PLPPR1: variants seen among roughly 807,000 people sequenced by gnomAD.
PLPPR1 encodes the protein phospholipid phosphatase related 1.
PLPPR1 carries 10 observed loss-of-function variants against 33.1 expected under a neutral mutation model. The observed-to-expected ratio is 0.30, with a 90% CI of 0.19 to 0.51. The LOEUF (loss-of-function observed/expected upper bound fraction) is 0.51, where lower values mean the gene tolerates loss of function less well. Ranked by LOEUF, PLPPR1 falls within the 20% of genes least tolerant of loss-of-function variation. The pLI, the probability that PLPPR1 is intolerant of heterozygous loss-of-function variation, is 0.97. For synonymous variants in PLPPR1, 151 were observed against 151.0 expected (o/e 1.00, Z 0.00); for missense variants, 304 against 408.1 (o/e 0.74, Z 2.20).
Position 101,132,810 on chromosome 9 carries a change from C to A in PLPPR1, c.-45-52640C>A, listed in dbSNP as rs541492121. The stretch of plus-strand genomic sequence containing the variant: ...CCTTCCTCCCAATTTTGCTGTAAAC[C>A]TAAATCTGCTTTATTATTAAGTCTT... On this transcript the variant is annotated intron_variant, in intron 1 of 7. Coordinates refer to ENST00000374874, the MANE Select transcript of PLPPR1 (RefSeq NM_207299.2). Among the ~76,000 whole-genome samples the A allele has an allele frequency of 3.9e-5, 6 of 152,186 alleles. No individual in the cohort carries two copies. In the South Asian group the frequency reaches 1.2e-3, roughly 32 times the overall value.
intron 1 of PLPPR1, among the ~76,000 whole-genome samples, chr9:101,054,401 T>G (rs1830259032): frequency 6.6e-6 from 1 of 151,444 alleles, no homozygotes. Context: ...ATTCATTTAT[T>G]TGGACACGAC....
chr9:101,235,566 T>C (rs1369006256), intron 2 of PLPPR1, among the ~76,000 whole-genome samples: 1 of 151,868 alleles, frequency 6.6e-6, no homozygotes, highest in East Asian at 1.9e-4. Context: ...TTAGAACAGA[T>C]GACATGTGAA....
intron 4 of PLPPR1, among the ~76,000 whole-genome samples, chr9:101,293,299 A>G (rs959839659): frequency 1.3e-5 from 2 of 151,874 alleles, no homozygotes; most frequent in African/African-American, 2.4e-5. Context: ...CCAGATTCAT[A>G]AAGCAAGTCC....
chr9:101,314,728 G>T (rs12346856), intron 6 of PLPPR1, among the ~76,000 whole-genome samples: 194 of 149,102 alleles, frequency 1.3e-3, no homozygotes, highest in African/African-American at 4.9e-3. Context: ...TTGCTGGACA[G>T]TGTTGTCAAA....
intron 2 of PLPPR1, among the ~76,000 whole-genome samples, chr9:101,205,556 C>T (rs1451576741): frequency 6.6e-6 from 1 of 152,092 alleles, no homozygotes; most frequent in Non-Finnish European, 1.5e-5. Flanking sequence ...TGTATTTAAA[C>T]ATTTTGTTTT....
At chr9:101,039,228 T>A (rs7864643) in intron 1 of PLPPR1, among the ~76,000 whole-genome samples, 2,475 of 152,234 alleles carry the variant, frequency 0.016, 35 homozygotes, top group African/African-American at 0.04. Flanking sequence ...TGGAGCTAGG[T>A]TCTAGGCTGA....
chr9:101,287,802 C>T (rs1828421451), intron 4 of PLPPR1, among the ~76,000 whole-genome samples: 1 of 152,082 alleles, frequency 6.6e-6, no homozygotes, highest in South Asian at 2.1e-4. Flanking sequence ...TGCCCGGCCC[C>T]TGTAACGTAT....
At chr9:101,095,696 G>C (rs1288876026) in intron 1 of PLPPR1, among the ~76,000 whole-genome samples, 1 of 152,136 alleles carries the variant, frequency 6.6e-6, no homozygotes, top group Non-Finnish European at 1.5e-5. Flanking sequence ...CACAGAGTAA[G>C]TGGTGGAACC....
intron 1 of PLPPR1, chr9:101,125,525 A>T: frequency 2.5e-6 from 1 of 402,204 alleles, no homozygotes; most frequent in South Asian, 2.6e-5. Context: ...CCCTGGACCC[A>T]GCACCAGATT....
chr9:101,244,214 T>A (rs1827537591), intron 2 of PLPPR1, among the ~76,000 whole-genome samples: 1 of 151,882 alleles, frequency 6.6e-6, no homozygotes, highest in African/African-American at 2.4e-5. Context: ...TCAATGAAGT[T>A]AACCCCCATG....
At chr9:101,165,434 G>A (rs1825840699) in intron 1 of PLPPR1, among the ~76,000 whole-genome samples, 2 of 152,186 alleles carry the variant, frequency 1.3e-5, no homozygotes, top group Non-Finnish European at 2.9e-5. Flanking sequence ...ATGCCTTGAA[G>A]GATATGTAGG....
intron 2 of PLPPR1, among the ~76,000 whole-genome samples, chr9:101,189,507 C>G (rs1826259101): frequency 6.6e-6 from 1 of 152,000 alleles, no homozygotes; most frequent in Admixed American, 6.6e-5. Context: ...CATGTCTGAC[C>G]CTCCAACTTT....
intron 1 of PLPPR1, among the ~76,000 whole-genome samples, chr9:101,081,795 G>A (rs1013786944): frequency 6.6e-6 from 1 of 152,192 alleles, no homozygotes; most frequent in South Asian, 2.1e-4. Flanking sequence ...AGACTGTGTG[G>A]GATGTTGAAA....
intron 3 of PLPPR1, among the ~76,000 whole-genome samples, chr9:101,273,455 T>C (rs866952920): frequency 6.6e-6 from 1 of 152,316 alleles, no homozygotes; most frequent in Non-Finnish European, 1.5e-5. Flanking sequence ...CTGAAATGTA[T>C]GTAGCCCCCA....
At chr9:101,271,370 A>G (rs530037242) in intron 3 of PLPPR1, among the ~76,000 whole-genome samples, 2 of 152,294 alleles carry the variant, frequency 1.3e-5, no homozygotes, top group South Asian at 4.2e-4. Context: ...GAACAGGGAA[A>G]CAAAAAACCT....
intron 2 of PLPPR1, among the ~76,000 whole-genome samples, chr9:101,193,616 T>C (rs955892347): frequency 6.6e-6 from 1 of 152,214 alleles, no homozygotes; most frequent in African/African-American, 2.4e-5. Context: ...CCAAAATTGG[T>C]GTTATATCAT....
chr9:101,309,609 G>C (rs1588121647), intron 5 of PLPPR1, 148 bp downstream of exon 5: 1 of 802,626 alleles, frequency 1.2e-6, no homozygotes, highest in East Asian at 2.6e-5. Context: ...TGATATACTA[G>C]CCCCCCCACA....
intron 1 of PLPPR1, among the ~76,000 whole-genome samples, chr9:101,153,787 G>C (rs1831634611): frequency 6.7e-6 from 1 of 150,362 alleles, no homozygotes; most frequent in Non-Finnish European, 1.5e-5. Context: ...GTTTCACCGT[G>C]TTAGCCAGGA....
intron 1 of PLPPR1, among the ~76,000 whole-genome samples, chr9:101,107,920 G>C (rs888344379): frequency 6.6e-6 from 1 of 151,106 alleles, no homozygotes; most frequent in African/African-American, 2.5e-5. Context: ...TTCCAGGTGC[G>C]TTCGTCACCC....
Sources: gnomAD v4.1 joint callset for allele counts (sites outside exome capture counted in the v4.1 genomes callset) on GRCh38, gnomAD v4.1.1 for gene constraint, MANE v1.5 for transcripts, NCBI Gene and HGNC (gene_info 2026-07-23, HGNC 2026-07-21) for gene names.